DNAJC11: variants seen among roughly 807,000 people sequenced by gnomAD.
The protein encoded by DNAJC11 is dnaJ homolog subfamily C member 11.
A neutral mutation model predicts 78.6 loss-of-function variants in DNAJC11; 15 were observed. The observed-to-expected ratio is 0.19, with a 90% CI of 0.13 to 0.29. The LOEUF (loss-of-function observed/expected upper bound fraction) is 0.29, where lower values mean the gene tolerates loss of function less well. DNAJC11 is among the 10% of genes least tolerant of loss of function. DNAJC11 has a pLI of 1.00. For missense variants in DNAJC11, 547 were observed against 709.6 expected (o/e 0.77, Z 2.60); for synonymous variants, 292 against 272.1 (o/e 1.07, Z -0.72).
At chr1:6,660,004 C>G in intron 4 of DNAJC11, among the ~76,000 whole-genome samples, 1 of 149,730 alleles carries the variant, frequency 6.7e-6, no homozygotes, top group African/African-American at 2.5e-5. Context: ...TGCAGTGAGC[C>G]GAGATTGCGC....
chr1:6,685,373 A>G (rs1642638850), intron 1 of DNAJC11, among the ~76,000 whole-genome samples: 1 of 152,178 alleles, frequency 6.6e-6, no homozygotes, highest in African/African-American at 2.4e-5. Context: ...TTCAGTGTAC[A>G]GTGGAATCTT....
At chr1:6,664,262 CAG>C (rs1642262318) in intron 4 of DNAJC11, among the ~76,000 whole-genome samples, 2 of 147,218 alleles carry the variant, frequency 1.4e-5, no homozygotes, top group South Asian at 4.3e-4. Context: ...TTTTTTGAGA[CAG>C]AGTCTCACTC....
At chr1:6,646,214 C>A (rs755560857) in intron 7 of DNAJC11, among the ~76,000 whole-genome samples, 2 of 152,174 alleles carry the variant, frequency 1.3e-5, no homozygotes, top group Non-Finnish European at 2.9e-5. Context: ...ACTTTAGCTA[C>A]AACCAAATAG....
At chr1:6,654,304 C>T (rs753115362) in intron 4 of DNAJC11, 11 of 310,042 alleles carry the variant, frequency 3.5e-5, no homozygotes, top group Non-Finnish European at 4.9e-5. Flanking sequence ...AGCAATGACA[C>T]GCCAAAGACA....
At chr1:6,673,609 A>C (rs1042175024) in intron 3 of DNAJC11, among the ~76,000 whole-genome samples, 8 of 152,224 alleles carry the variant, frequency 5.3e-5, no homozygotes, top group African/African-American at 1.7e-4. Flanking sequence ...CAATGTTAGC[A>C]CCTTTTATAA....
In DNAJC11 at chr1:6,645,709, T is replaced by G; in HGVS notation, c.894+80A>C. The G allele has an allele frequency of 3.3e-6, 5 of 1,500,094 alleles. No individual in the cohort carries two copies. Among genetic ancestry groups the G allele is most frequent in the East Asian group, 2.3e-5 (1 of 43,744 alleles). The allele number at this position is 1,500,094 out of a possible 1,614,324, so 92.9% of individuals were successfully genotyped here. On this transcript the variant is annotated intron_variant, in intron 8 of 15. Transcript: ENST00000377577. The surrounding 1 kb of genome is among the most constrained non-coding windows in gnomAD (Gnocchi z 4.1). ...ACTTAGTGGTGATCAGGACGCAGGA[T>G]TTAAGGGGAGCACTGAGTGCTTGGG...
At chr1:6,690,958 G>A (rs192287072) in intron 1 of DNAJC11, among the ~76,000 whole-genome samples, 1 of 152,184 alleles carries the variant, frequency 6.6e-6, no homozygotes, top group Non-Finnish European at 1.5e-5. Flanking sequence ...ACTTTGGAAA[G>A]AGCTTAGCAG....
intron 4 of DNAJC11, among the ~76,000 whole-genome samples, chr1:6,661,899 T>C (rs1642218770): frequency 2.6e-5 from 4 of 152,190 alleles, no homozygotes; most frequent in Admixed American, 2.6e-4. Context: ...TGAAAACATT[T>C]TGGCATTTAA....
rs551781953 is a variant in DNAJC11, at chr1:6,689,287, T to G, written c.73-8250A>C. Among the ~76,000 whole-genome samples the G allele has an allele frequency of 1.2e-4, 18 of 152,042 alleles. 1 individual carries two copies. The highest frequency in any genetic ancestry group is 2.6e-4 in the Non-Finnish European group (18 of 68,018). ...CAGCAGCCTGGAAGCTGAAAGGAAA[T>G]GAAGGATCAGAGTCTGCTGAAGTCC... On this transcript the variant is annotated intron_variant, in intron 1 of 15. Coordinates refer to ENST00000377577, the MANE Select transcript of DNAJC11 (RefSeq NM_018198.4).
At chr1:6,673,764 C>T (rs1024372355) in intron 3 of DNAJC11, among the ~76,000 whole-genome samples, 2 of 152,184 alleles carry the variant, frequency 1.3e-5, no homozygotes, top group East Asian at 1.9e-4. Flanking sequence ...CATTTAGACA[C>T]GAGGTGTCCT....
Position 6,701,718 on chromosome 1 carries a change from G to T in DNAJC11, c.72+11C>A. On this transcript the variant is annotated intron_variant, in intron 1 of 15. Coordinates refer to ENST00000377577, the MANE Select transcript of DNAJC11 (RefSeq NM_018198.4). ...GCCTCAGCCCCCAGAGCGTCCAGCC[G>T]CTGGCCTCACCTCCCTGCGCACGTT... 6.5e-7 allele frequency: 1 copy of T among 1,543,636 alleles called. No homozygotes were observed. Among genetic ancestry groups the T allele is most frequent in the South Asian group, 1.2e-5 (1 of 82,924 alleles).
chr1:6,688,274 C>T (rs1642688576), intron 1 of DNAJC11, among the ~76,000 whole-genome samples: 1 of 152,218 alleles, frequency 6.6e-6, no homozygotes, highest in Admixed American at 6.5e-5. Flanking sequence ...TTGCTTTCTT[C>T]CTCTTGTACC....
At chr1:6,639,158 A>G (rs1161947213) in intron 11 of DNAJC11, among the ~76,000 whole-genome samples, 1 of 152,152 alleles carries the variant, frequency 6.6e-6, no homozygotes, top group African/African-American at 2.4e-5. Flanking sequence ...GCATGCCCCA[A>G]TGGATTATCT....
At chr1:6,670,281 G>A (rs976001274) in intron 3 of DNAJC11, among the ~76,000 whole-genome samples, 1 of 152,020 alleles carries the variant, frequency 6.6e-6, no homozygotes, top group African/African-American at 2.4e-5. Context: ...AAAAGTATGC[G>A]ATTCCCCTTA....
Position 6,637,144 on chromosome 1 carries a change from C to T in DNAJC11, c.1524+54G>A, listed in dbSNP as rs984161841. On this transcript the variant is annotated intron_variant, in intron 14 of 15. Coordinates refer to ENST00000377577, the MANE Select transcript of DNAJC11 (RefSeq NM_018198.4). ...GGATTATAGGCCTGAGTCACCGCGCCCAGCCTGTTCAAATCTGTGAGCACA... is the reference window on the plus strand; with the variant it reads ...GGATTATAGGCCTGAGTCACCGCGCTCAGCCTGTTCAAATCTGTGAGCACA... 4.4e-6 allele frequency: 7 copies of T among 1,608,728 alleles called. No individual in the cohort carries two copies. In the African/African-American group the frequency reaches 9.3e-5, roughly 21 times the overall value.
At chr1:6,654,723 C>T (rs1330682845) in intron 4 of DNAJC11, among the ~76,000 whole-genome samples, 2 of 151,814 alleles carry the variant, frequency 1.3e-5, no homozygotes, top group Non-Finnish European at 2.9e-5. Flanking sequence ...TGGCCACACA[C>T]ATTTTTTTAA....
chr1:6,672,850 T>C (rs1642401386), intron 3 of DNAJC11, among the ~76,000 whole-genome samples: 2 of 152,162 alleles, frequency 1.3e-5, no homozygotes. Context: ...TCAATGTTTC[T>C]CATGGACAGA....
chr1:6,667,288 G>A (rs1292515218), intron 4 of DNAJC11, among the ~76,000 whole-genome samples: 5 of 152,152 alleles, frequency 3.3e-5, no homozygotes, highest in Non-Finnish European at 5.9e-5. Flanking sequence ...GGGTAAGCAA[G>A]GACTTCTGCT....
intron 10 of DNAJC11, among the ~76,000 whole-genome samples, chr1:6,641,386 A>T (rs1317233082): frequency 2.1e-5 from 3 of 139,646 alleles, no homozygotes; most frequent in African/African-American, 8.1e-5. Flanking sequence ...CCAAAAAAAA[A>T]AAAAATATAT....
Sources: gnomAD v4.1 joint callset for allele counts (sites outside exome capture counted in the v4.1 genomes callset) on GRCh38, gnomAD v4.1.1 for gene constraint, Gnocchi (gnomAD v3.1) non-coding constraint, MANE v1.5 for transcripts, NCBI Gene and HGNC (gene_info 2026-07-23, HGNC 2026-07-21) for gene names.